TG: variants seen among roughly 807,000 people sequenced by gnomAD.
TG encodes thyroglobulin.
TG carries 270 observed loss-of-function variants against 324.7 expected under a neutral mutation model. The ratio of observed to expected loss-of-function variants is 0.83; its 90% CI spans 0.75 to 0.92. TG has a LOEUF of 0.92. Ranked by LOEUF, TG falls within the 40% of genes least tolerant of loss-of-function variation. The pLI is 0.00. For missense variants in TG, 3,591 were observed against 3,456.4 expected, an observed-to-expected ratio of 1.04 and a Z score of -0.98; for synonymous variants, 1,401 against 1,327.0, an observed-to-expected ratio of 1.06 and a Z score of -1.21.
intron 2 of TG, among the ~76,000 whole-genome samples, 161 bp from the exon 3 acceptor site, chr8:132,869,568 T>A (rs1011465520): frequency 1.3e-5 from 2 of 152,146 alleles, no homozygotes; most frequent in African/African-American, 4.8e-5. Flanking sequence ...GGGCCTTTCC[T>A]TTCCCAGGTC....
At chr8:132,943,508 G>A (rs907709808) in intron 26 of TG, among the ~76,000 whole-genome samples, 3 of 152,118 alleles carry the variant, frequency 2.0e-5, no homozygotes, top group Non-Finnish European at 2.9e-5. Flanking sequence ...GAACAGCCAA[G>A]TACAATGCCC....
At position 132,873,037 on chromosome 8, in the gene TG, A is replaced by AT. The variant is rs577848823; in HGVS notation, c.479-16dup. 337 of 1,603,050 alleles carry AT rather than the reference A, an allele frequency of 2.1e-4. 1 individual carries two copies. The African/African-American group carries it at 2.5e-3, about 12-fold the overall frequency. On this transcript the variant is annotated intron_variant, in intron 4 of 47. Coordinates refer to ENST00000220616, the MANE Select transcript of TG (RefSeq NM_003235.5). ...AATATGTGTCTACTCATATATAAGG[A>AT]TTTTTTTTTCGTGAAAATGTTTAGG...
chr8:132,990,946 A>G (rs1397326749), intron 35 of TG, among the ~76,000 whole-genome samples: 2 of 146,262 alleles, frequency 1.4e-5, no homozygotes, highest in Non-Finnish European at 3.0e-5. Context: ...GCAAAAAGTT[A>G]ATTCTACCAA....
intron 30 of TG, 142 bp from the exon 31 acceptor site, chr8:132,967,652 G>A: frequency 1.1e-6 from 1 of 929,440 alleles, no homozygotes; most frequent in Non-Finnish European, 1.7e-6. Context: ...CTTCCAGACT[G>A]GATGATCATG....
intron 14 of TG, 116 bp downstream of exon 14, chr8:132,899,026 C>A (rs1477579239): frequency 2.1e-6 from 2 of 954,506 alleles, no homozygotes; most frequent in Non-Finnish European, 3.3e-6. Context: ...TGTTCTCAGC[C>A]TGGGTGTTTG....
At chr8:132,936,224 A>T (rs1047475168) in intron 25 of TG, among the ~76,000 whole-genome samples, 1 of 152,242 alleles carries the variant, frequency 6.6e-6, no homozygotes, top group African/African-American at 2.4e-5. Flanking sequence ...CGCTGAGTTC[A>T]GCCTGTGCCG....
rs1373049088 is a variant in TG, at chr8:133,074,396, GC to G, written c.7240-20646del. On this transcript the variant is annotated intron_variant, in intron 41 of 47. Transcript: ENST00000220616. Reference sequence around the variant, plus strand: ...GAGCACCTGCTGTATGCTGAAACTGGCCTGGGCACCTAGCATATGTCAATTT... The same window carrying G: ...GAGCACCTGCTGTATGCTGAAACTGGCTGGGCACCTAGCATATGTCAATTT... 5.3e-5 allele frequency among the ~76,000 whole-genome samples: 8 copies of G among 152,182 alleles called. No homozygotes were observed. The East Asian group carries it at 1.5e-3, about 29-fold the overall frequency.
At chr8:133,017,663 A>C in intron 37 of TG, 115 bp from the exon 38 acceptor site, 1 of 985,980 alleles carries the variant, frequency 1.0e-6, no homozygotes, top group Non-Finnish European at 1.6e-6. Context: ...GACATTTTCA[A>C]GGTGCAAAAA....
In TG at chr8:133,098,765, G is replaced by T. The variant is rs1317625863; in HGVS notation, c.7572+2392G>T. Reference sequence around the variant, plus strand: ...GCCATCCATCAGGGAGGGTGAGGGGGTTGTTCTTGTTGGCAGATCTGGGAC... The same window carrying T: ...GCCATCCATCAGGGAGGGTGAGGGGTTTGTTCTTGTTGGCAGATCTGGGAC... On this transcript the variant is annotated intron_variant, in intron 43 of 47. Coordinates refer to ENST00000220616, the MANE Select transcript of TG (RefSeq NM_003235.5). 3.3e-5 allele frequency among the ~76,000 whole-genome samples: 5 copies of T among 152,154 alleles called. No homozygotes were observed. The East Asian group carries it at 9.6e-4, about 29-fold the overall frequency.
intron 41 of TG, among the ~76,000 whole-genome samples, chr8:133,082,473 GCA>G (rs2131542534): frequency 6.6e-6 from 1 of 152,276 alleles, no homozygotes; most frequent in South Asian, 2.1e-4. Context: ...GCAGCATTGG[GCA>G]CATAGAAGGA....
At chr8:133,088,847 A>G (rs542329364) in intron 41 of TG, among the ~76,000 whole-genome samples, 1 of 152,360 alleles carries the variant, frequency 6.6e-6, no homozygotes, top group South Asian at 2.1e-4. Context: ...GAAGTGTTAC[A>G]AATAAGAGTA....
At chr8:132,948,678 C>T (rs1563991213) in intron 26 of TG, 98 bp from the exon 27 acceptor site, 14 of 1,302,086 alleles carry the variant, frequency 1.1e-5, no homozygotes, top group Non-Finnish European at 1.6e-5. Flanking sequence ...GAGACGCTGT[C>T]ACCTATCTTT....
At chr8:133,096,903 G>T (rs4736433) in intron 43 of TG, among the ~76,000 whole-genome samples, 101,763 of 152,116 alleles carry the variant, frequency 0.67, 34,633 homozygotes, top group Middle Eastern at 0.75. Context: ...GAGTGAGCTG[G>T]GAGGTCTTCA....
rs748852916 is a variant in TG at position 133,131,870 on chromosome 8, G to A, written c.7921G>A (p.Glu2641Lys). 8.9e-5 allele frequency: 144 copies of A among 1,614,040 alleles called. No individual in the cohort carries two copies. The highest frequency in any genetic ancestry group is 1.1e-4 in the Non-Finnish European group (127 of 1,180,010). Residue 2641 changes from glutamate to lysine, a missense_variant, in exon 46 of 48, where the codon GAG (glutamate) becomes AAG (lysine). Glu to Lys is a moderately conservative substitution (Grantham distance 56). Coordinates refer to ENST00000220616, the MANE Select transcript of TG (RefSeq NM_003235.5). ...ALGLPFYPAY[E>K]GQFSLEEKSL... ...GGGGCTTCCCTTCTACCCAGCCTAC[G>A]AGGGGCAGTTTTCTCTGGAGGAGAA...
chr8:133,012,290 C>G (rs1328303765), intron 36 of TG, among the ~76,000 whole-genome samples: 1 of 152,168 alleles, frequency 6.6e-6, no homozygotes, highest in Non-Finnish European at 1.5e-5. Context: ...GAAGAATGAT[C>G]TAGTGGGTTA....
chr8:132,937,011 G>C (rs1036394301), intron 25 of TG, among the ~76,000 whole-genome samples: 1 of 151,558 alleles, frequency 6.6e-6, no homozygotes, highest in Non-Finnish European at 1.5e-5. Context: ...AAGGTCATCG[G>C]CAGATTGGAA....
intron 22 of TG, among the ~76,000 whole-genome samples, chr8:132,928,557 T>A (rs1288196920): frequency 6.6e-6 from 1 of 152,234 alleles, no homozygotes; most frequent in Non-Finnish European, 1.5e-5. Context: ...AGTGTGTTGA[T>A]GGTAGCTAGG....
At chr8:132,999,022 C>G (rs1297671680) in intron 35 of TG, among the ~76,000 whole-genome samples, 1 of 152,130 alleles carries the variant, frequency 6.6e-6, no homozygotes, top group Non-Finnish European at 1.5e-5. Context: ...ATTTCATTGT[C>G]AGAGGGTTGG....
At chr8:133,055,618 C>G (rs1841301559) in intron 41 of TG, among the ~76,000 whole-genome samples, 1 of 152,204 alleles carries the variant, frequency 6.6e-6, no homozygotes, top group African/African-American at 2.4e-5. Flanking sequence ...TGGAACTAAA[C>G]AGACCTTGAG....
Sources: gnomAD v4.1 joint callset for allele counts (sites outside exome capture counted in the v4.1 genomes callset) on GRCh38, gnomAD v4.1.1 for gene constraint, MANE v1.5 for transcripts, NCBI Gene and HGNC (gene_info 2026-07-23, HGNC 2026-07-21) for gene names.